The following CADM2 variants were observed in gnomAD, a reference collection of about 807,000 sequenced individuals.
CADM2 encodes the protein cell adhesion molecule 2.
Under a neutral mutation model 49.8 loss-of-function variants are expected in CADM2, and 12 were observed. That is an observed-to-expected ratio of 0.24 (90% confidence interval 0.15 to 0.39). The LOEUF (loss-of-function observed/expected upper bound fraction) is 0.39, where lower values mean the gene tolerates loss of function less well. Ranked by LOEUF, CADM2 falls within the 10% of genes least tolerant of loss-of-function variation. CADM2 has a pLI of 1.00. For missense variants in CADM2, 378 were observed against 492.3 expected (o/e 0.77, Z 2.20); for synonymous variants, 214 against 175.4 (o/e 1.22, Z -1.74).
intron 1 of CADM2, among the ~76,000 whole-genome samples, chr3:85,387,180 C>A (rs1462393183): frequency 1.3e-5 from 2 of 152,036 alleles, no homozygotes; most frequent in Non-Finnish European, 2.9e-5. Flanking sequence ...ACAGACCATG[C>A]CCATTACACT....
chr3:85,585,549 TA>T (rs944027160), intron 1 of CADM2, among the ~76,000 whole-genome samples: 2 of 151,910 alleles, frequency 1.3e-5, no homozygotes, highest in African/African-American at 2.4e-5. Context: ...AATGTTTGTA[TA>T]AAAAAACATA....
intron 3 of CADM2, among the ~76,000 whole-genome samples, chr3:85,859,224 CTTTTTTTTT>C (rs397990427): frequency 1.3e-4 from 9 of 70,596 alleles, no homozygotes; most frequent in African/African-American, 1.8e-4. Flanking sequence ...TTTTTTTTGT[CTTTTTTTTT>C]TTTTTTTTTT....
chr3:85,462,984 C>T lies in CADM2; in HGVS notation c.62-263538C>T, dbSNP rs190023264. Among the ~76,000 whole-genome samples, 9 of 152,216 alleles carry T rather than the reference C, an allele frequency of 5.9e-5. No homozygotes were observed. The East Asian group carries it at 1.7e-3, about 29-fold the overall frequency. ...CCTGGAAAACCATTTTTCATGCCTTCGTTTCCTCATCTGTGAAAGGAAACT... is the reference window on the plus strand; with the variant it reads ...CCTGGAAAACCATTTTTCATGCCTTTGTTTCCTCATCTGTGAAAGGAAACT... On this transcript the variant is annotated intron_variant, in intron 1 of 9. Coordinates refer to ENST00000383699, the MANE Select transcript of CADM2 (RefSeq NM_001167675.2).
In CADM2 at chr3:85,769,268, T is replaced by C. The variant is rs60190765; in HGVS notation, c.89-32779T>C. Among the ~76,000 whole-genome samples the C allele has an allele frequency of 2.8e-3, 215 of 76,148 alleles. 2 individuals are homozygous for C. Among genetic ancestry groups the C allele is most frequent in the African/African-American group, 5.1e-3 (59 of 11,642 alleles). 50.0% of individuals were successfully genotyped at this position (76,148 alleles called of 152,430 possible). A position where few individuals can be genotyped will look rare whatever the true frequency, so the allele number is the denominator to read the frequency against. On this transcript the variant is annotated intron_variant, in intron 2 of 9. Coordinates refer to ENST00000383699, the MANE Select transcript of CADM2 (RefSeq NM_001167675.2). ...TATACATATATAGTATATATACACA[T>C]ATATACATATATACATATATAGTAT...
intron 1 of CADM2, among the ~76,000 whole-genome samples, chr3:85,608,976 A>G (rs2063606927): frequency 6.6e-6 from 1 of 152,274 alleles, no homozygotes; most frequent in South Asian, 2.1e-4. Context: ...CAACTTATCT[A>G]AATTATGATT....
chr3:85,174,531 C>T (rs939351662), intron 1 of CADM2, among the ~76,000 whole-genome samples: 2 of 149,672 alleles, frequency 1.3e-5, no homozygotes, highest in African/African-American at 4.9e-5. Flanking sequence ...TATATATATA[C>T]ACATATATAT....
intron 1 of CADM2, among the ~76,000 whole-genome samples, chr3:85,037,704 A>G (rs545281534): frequency 6.6e-6 from 1 of 152,232 alleles, no homozygotes; most frequent in East Asian, 1.9e-4. Flanking sequence ...ATTGCATTAT[A>G]TATGCCTTGG....
At chr3:85,594,030 G>T (rs1385802233) in intron 1 of CADM2, among the ~76,000 whole-genome samples, 1 of 151,818 alleles carries the variant, frequency 6.6e-6, no homozygotes, top group Non-Finnish European at 1.5e-5. Context: ...AATATCCCAA[G>T]GATGTATTTC....
Position 85,660,912 on chromosome 3 carries a change from TAA to T in CADM2, c.62-65597_62-65596del, listed in dbSNP as rs562976361. On this transcript the variant is annotated intron_variant, in intron 1 of 9. Transcript: ENST00000383699. The stretch of plus-strand genomic sequence containing the variant: ...CGATTATTATAAACTATAATCAAAC[TAA>T]AAAAAAAAAAAACAGAAGCACGAGG... 2.4e-3 allele frequency among the ~76,000 whole-genome samples: 332 copies of T among 138,288 alleles called. 1 individual carries two copies. Among genetic ancestry groups the T allele is most frequent in the African/African-American group, 7.7e-3 (292 of 37,740 alleles). 90.7% of individuals were successfully genotyped at this position (138,288 alleles called of 152,430 possible). A position where few individuals can be genotyped will look rare whatever the true frequency, so the allele number is the denominator to read the frequency against.
At chr3:85,313,241 A>G (rs761215520) in intron 1 of CADM2, among the ~76,000 whole-genome samples, 2 of 152,202 alleles carry the variant, frequency 1.3e-5, no homozygotes, top group Non-Finnish European at 2.9e-5. Context: ...AATGGTTACT[A>G]CCTGTCATTA....
chr3:85,810,222 T>C (rs1383110010), intron 3 of CADM2, among the ~76,000 whole-genome samples: 1 of 152,140 alleles, frequency 6.6e-6, no homozygotes, highest in Non-Finnish European at 1.5e-5. Flanking sequence ...AATTGACATC[T>C]CTTTTCTCCC....
chr3:85,821,957 T>G (rs9968137), intron 3 of CADM2, among the ~76,000 whole-genome samples: 42,276 of 152,076 alleles, frequency 0.28, 8,082 homozygotes, highest in African/African-American at 0.54. Flanking sequence ...TTATAATTTT[T>G]TGTTATTCTG....
intron 1 of CADM2, among the ~76,000 whole-genome samples, chr3:85,391,812 C>T (rs777765359): frequency 6.6e-6 from 1 of 152,096 alleles, no homozygotes; most frequent in Non-Finnish European, 1.5e-5. Flanking sequence ...ATGATAATCT[C>T]TCCCTAACCA....
At chr3:84,987,817 G>A (rs1422611910) in intron 1 of CADM2, among the ~76,000 whole-genome samples, 1 of 152,166 alleles carries the variant, frequency 6.6e-6, no homozygotes, top group Non-Finnish European at 1.5e-5. Context: ...AGACCATGCA[G>A]TACCTTGCCA....
intron 1 of CADM2, among the ~76,000 whole-genome samples, chr3:85,713,263 A>T (rs1047682639): frequency 3.9e-5 from 6 of 151,980 alleles, no homozygotes; most frequent in Admixed American, 1.3e-4. Context: ...ACGCGGGACT[A>T]ATTTTTTTGT....
intron 8 of CADM2, among the ~76,000 whole-genome samples, chr3:85,970,280 T>A (rs1725960793): frequency 6.6e-6 from 1 of 151,544 alleles, no homozygotes. Context: ...CAAAGTTAAA[T>A]GACTTTGCTA....
At chr3:85,269,628 A>AGAGAT (rs1487933796) in intron 1 of CADM2, among the ~76,000 whole-genome samples, 52 of 151,272 alleles carry the variant, frequency 3.4e-4, no homozygotes, top group Admixed American at 2.5e-3. Context: ...TCTCTTGTGT[A>AGAGAT]CTGAGTCAGA....
chr3:85,732,338 C>G (rs2067970211), intron 2 of CADM2, among the ~76,000 whole-genome samples: 1 of 151,942 alleles, frequency 6.6e-6, no homozygotes, highest in Admixed American at 6.6e-5. Flanking sequence ...AAAAACGAAT[C>G]AGGAGTCAAT....
At chr3:85,060,659 CTT>C (rs1181963076) in intron 1 of CADM2, among the ~76,000 whole-genome samples, 1 of 152,096 alleles carries the variant, frequency 6.6e-6, no homozygotes, top group African/African-American at 2.4e-5. Context: ...AGACACCAGT[CTT>C]TGAATATTAC....
Sources: gnomAD v4.1 joint callset for allele counts (sites outside exome capture counted in the v4.1 genomes callset) on GRCh38, gnomAD v4.1.1 for gene constraint, MANE v1.5 for transcripts, NCBI Gene and HGNC (gene_info 2026-07-23, HGNC 2026-07-21) for gene names.